SUSD6: variants seen among roughly 807,000 people sequenced by gnomAD.
SUSD6 encodes the protein sushi domain containing 6.
A neutral mutation model predicts 28.4 loss-of-function variants in SUSD6; 16 were observed. The observed-to-expected ratio is 0.56, with a 90% CI of 0.38 to 0.86. SUSD6 has a LOEUF of 0.86. Among genes scored for constraint, SUSD6 ranks in the 40% least tolerant of loss-of-function variants. SUSD6 has a pLI of 0.00. For synonymous variants in SUSD6, 147 were observed against 159.6 expected, an observed-to-expected ratio of 0.92 and a Z score of 0.59; for missense variants, 341 against 384.2, an observed-to-expected ratio of 0.89 and a Z score of 0.94.
chr14:69,631,493 T>TTTTTG (rs1219915633), intron 1 of SUSD6, among the ~76,000 whole-genome samples: 8 of 152,178 alleles, frequency 5.3e-5, no homozygotes, highest in African/African-American at 4.8e-5. Flanking sequence ...CTGCTTCTGT[T>TTTTTG]TTTTGTTTTG....
chr14:69,704,807 T>TTGG (rs1886364777), intron 4 of SUSD6, 65 bp downstream of exon 4: 1 of 1,558,648 alleles, frequency 6.4e-7, no homozygotes, highest in South Asian at 1.2e-5. Flanking sequence ...GGGCCAGTCT[T>TTGG]TGGTGGAGGG....
chr14:69,678,850 A>C (rs1240233712), intron 2 of SUSD6, among the ~76,000 whole-genome samples: 1 of 152,168 alleles, frequency 6.6e-6, no homozygotes, highest in Non-Finnish European at 1.5e-5. Context: ...TTAAAAAAAC[A>C]ATGCTGCAAG....
At chr14:69,612,932 A>G (rs1270613842) in intron 1 of SUSD6, among the ~76,000 whole-genome samples, 1 of 152,174 alleles carries the variant, frequency 6.6e-6, no homozygotes, top group Non-Finnish European at 1.5e-5. Context: ...AGTTACGCAC[A>G]CACACCTTTT....
rs538135601 is a variant in SUSD6, at chr14:69,682,243, G to A, written c.122-21152G>A. Reference sequence around the variant, plus strand: ...TCCCAGCTACTCGGGAGGCTGAGGCGGGAGGATCTTTTGAGCCCAGGAGTT... The same window carrying A: ...TCCCAGCTACTCGGGAGGCTGAGGCAGGAGGATCTTTTGAGCCCAGGAGTT... On this transcript the variant is annotated intron_variant, in intron 2 of 5. Transcript: ENST00000342745. Among the ~76,000 whole-genome samples, 6 of 152,148 alleles carry A rather than the reference G, an allele frequency of 3.9e-5. No homozygotes were observed. In the South Asian group the frequency reaches 8.3e-4, roughly 21 times the overall value.
intron 2 of SUSD6, among the ~76,000 whole-genome samples, chr14:69,659,643 G>A (rs982089673): frequency 1.3e-5 from 2 of 152,068 alleles, no homozygotes; most frequent in Non-Finnish European, 2.9e-5. Flanking sequence ...TCAGCCTCCC[G>A]AGTAGCTGGG....
At chr14:69,673,807 G>T (rs1261872037) in intron 2 of SUSD6, among the ~76,000 whole-genome samples, 1 of 152,192 alleles carries the variant, frequency 6.6e-6, no homozygotes. Context: ...CTGGGCATCG[G>T]CCCTAGCACT....
At chr14:69,663,017 GA>G (rs1885685675) in intron 2 of SUSD6, among the ~76,000 whole-genome samples, 1 of 152,182 alleles carries the variant, frequency 6.6e-6, no homozygotes, top group Non-Finnish European at 1.5e-5. Flanking sequence ...TGCTGTCATT[GA>G]AACACAAAAC....
intron 1 of SUSD6, among the ~76,000 whole-genome samples, chr14:69,618,475 A>C (rs764437962): frequency 6.6e-6 from 1 of 152,226 alleles, no homozygotes; most frequent in Admixed American, 6.5e-5. Flanking sequence ...GTAGATCCCT[A>C]CTAAAAGCTC....
At chr14:69,670,963 G>T (rs1267600036) in intron 2 of SUSD6, among the ~76,000 whole-genome samples, 1 of 152,230 alleles carries the variant, frequency 6.6e-6, no homozygotes, top group African/African-American at 2.4e-5. Context: ...TCACTCTGGT[G>T]GAGTATGTTC....
At chr14:69,695,383 T>C (rs1210723096) in intron 2 of SUSD6, among the ~76,000 whole-genome samples, 2 of 152,204 alleles carry the variant, frequency 1.3e-5, no homozygotes, top group Non-Finnish European at 2.9e-5. Context: ...TTGTGCTGTA[T>C]CCAAAACCAC....
intron 2 of SUSD6, among the ~76,000 whole-genome samples, chr14:69,702,960 G>T (rs1170951724): frequency 6.6e-6 from 1 of 152,128 alleles, no homozygotes. Context: ...AAGAGTGCAC[G>T]TTTTTATTAT....
chr14:69,675,480 A>G (rs943396611), intron 2 of SUSD6, among the ~76,000 whole-genome samples: 1 of 151,648 alleles, frequency 6.6e-6, no homozygotes, highest in Non-Finnish European at 1.5e-5. Context: ...AACCTTGGGA[A>G]CTGTAGTCTC....
intron 2 of SUSD6, among the ~76,000 whole-genome samples, chr14:69,681,223 T>C (rs1216992039): frequency 1.3e-5 from 2 of 152,196 alleles, no homozygotes; most frequent in Non-Finnish European, 2.9e-5. Context: ...TTGACATCTG[T>C]CATATTTTAA....
At chr14:69,671,730 A>C (rs61389585) in intron 2 of SUSD6, among the ~76,000 whole-genome samples, 1,555 of 152,174 alleles carry the variant, frequency 0.01, 27 homozygotes, top group African/African-American at 0.035. Flanking sequence ...CTGTGATTTG[A>C]TGTGTTCAGG....
rs554682213 is a variant in SUSD6, at chr14:69,699,415, G to A, written c.122-3980G>A. ...GATGGGGATTCACCGTGTTGACCAC[G>A]CTGGTCTCGAACTCCTGACCTCAAG... On this transcript the variant is annotated intron_variant, in intron 2 of 5. Coordinates refer to ENST00000342745, the MANE Select transcript of SUSD6 (RefSeq NM_014734.4). Among the ~76,000 whole-genome samples, 7 of 152,134 alleles carry A rather than the reference G, an allele frequency of 4.6e-5. No individual in the cohort carries two copies. In the South Asian group the frequency reaches 1.2e-3, roughly 27 times the overall value.
chr14:69,667,423 C>T (rs1012866193), intron 2 of SUSD6, among the ~76,000 whole-genome samples: 2 of 137,248 alleles, frequency 1.5e-5, no homozygotes, highest in Non-Finnish European at 3.0e-5. Flanking sequence ...GTCGCCCAGG[C>T]TGGAGTGCAG....
intron 5 of SUSD6, 146 bp downstream of exon 5, chr14:69,709,250 T>A: frequency 2.6e-6 from 2 of 764,746 alleles, no homozygotes; most frequent in Non-Finnish European, 4.1e-6. Flanking sequence ...AAATAGAATT[T>A]CACCCTCAGA....
chr14:69,640,724 C>G (rs1885339917), intron 1 of SUSD6, among the ~76,000 whole-genome samples: 2 of 152,214 alleles, frequency 1.3e-5, no homozygotes, highest in Admixed American at 1.3e-4. Flanking sequence ...GAGACCAGCT[C>G]AAGCCTGACA....
intron 2 of SUSD6, among the ~76,000 whole-genome samples, chr14:69,659,152 T>C (rs1885627129): frequency 6.6e-6 from 1 of 152,228 alleles, no homozygotes; most frequent in South Asian, 2.1e-4. Context: ...CCTACCTCAC[T>C]GGGTGGTTGT....
Sources: allele counts gnomAD v4.1 joint callset (sites outside exome capture counted in the v4.1 genomes callset), GRCh38; gene constraint gnomAD v4.1.1; transcripts MANE v1.5; gene names NCBI Gene and HGNC (gene_info 2026-07-23, HGNC 2026-07-21).